The following NTF3 variants were observed in gnomAD, a reference collection of about 807,000 sequenced individuals.
NTF3 encodes the protein neurotrophin 3.
NTF3 carries 8 observed loss-of-function variants against 26.3 expected under a neutral mutation model. That is an observed-to-expected ratio of 0.30 (90% CI 0.18 to 0.55). The LOEUF is 0.55. Among genes scored for constraint, NTF3 ranks in the 20% least tolerant of loss-of-function variants. The pLI is 0.93. For missense variants in NTF3, 276 were observed against 352.9 expected (o/e 0.78, Z 1.75); for synonymous variants, 154 against 145.5 (o/e 1.06, Z -0.42).
chr12:5,457,378 C>T (rs1218165741), intron 1 of NTF3, among the ~76,000 whole-genome samples: 13 of 152,168 alleles, frequency 8.5e-5, no homozygotes, highest in Admixed American at 8.5e-4. Flanking sequence ...CTTCTACCAT[C>T]GCCTTATCAC....
At position 5,464,008 on chromosome 12, in the gene NTF3, G is replaced by A. The variant is rs939754387; in HGVS notation, c.19-30186G>A. ...GTTTCCACATGAAAATTAAAGCCAG[G>A]GGGCCAATTCTGGACTTGGCTTGAG... On this transcript the variant is annotated intron_variant, in intron 1 of 1. Coordinates refer to ENST00000423158, the MANE Select transcript of NTF3 (RefSeq NM_001102654.2). Among the ~76,000 whole-genome samples, 4 of 152,178 alleles carry A rather than the reference G, an allele frequency of 2.6e-5. No individual in the cohort carries two copies. The East Asian group carries it at 7.7e-4, about 29-fold the overall frequency.
At chr12:5,457,458 G>T (rs1426375012) in intron 1 of NTF3, among the ~76,000 whole-genome samples, 1 of 152,034 alleles carries the variant, frequency 6.6e-6, no homozygotes. Context: ...CTCTTTCCTT[G>T]GTAGGATACC....
chr12:5,489,629 A>C (rs78095042), intron 1 of NTF3, among the ~76,000 whole-genome samples: 4,375 of 152,304 alleles, frequency 0.029, 77 homozygotes, highest in South Asian at 0.062. Context: ...AGCAGTCTAA[A>C]AATTTACTTC....
chr12:5,432,452 C>T, intron 1 of NTF3, 110 bp downstream of exon 1: 2 of 1,206,128 alleles, frequency 1.7e-6, no homozygotes, highest in Non-Finnish European at 2.4e-6. Context: ...CGCATCCCGC[C>T]CCACCCCCAT....
chr12:5,467,579 G>A (rs1201918257), intron 1 of NTF3, among the ~76,000 whole-genome samples: 2 of 152,154 alleles, frequency 1.3e-5, no homozygotes, highest in Non-Finnish European at 2.9e-5. Context: ...CAGAAATTTT[G>A]AAAGATAAAA....
chr12:5,480,308 A>C (rs1940773486), intron 1 of NTF3, among the ~76,000 whole-genome samples: 1 of 152,170 alleles, frequency 6.6e-6, no homozygotes, highest in Admixed American at 6.5e-5. Flanking sequence ...GTGGAAAAAC[A>C]ATCCCACCGG....
At chr12:5,470,665 G>T (rs1447754175) in intron 1 of NTF3, among the ~76,000 whole-genome samples, 5 of 152,164 alleles carry the variant, frequency 3.3e-5, no homozygotes, top group African/African-American at 1.2e-4. Context: ...CCTTCTCCCA[G>T]ATCTCTGCTG....
intron 1 of NTF3, among the ~76,000 whole-genome samples, chr12:5,432,546 G>A (rs1940106280): frequency 7.6e-6 from 1 of 131,772 alleles, no homozygotes; most frequent in African/African-American, 3.0e-5. Flanking sequence ...CGCAACCGCA[G>A]CCACCCCGCT....
At chr12:5,453,962 C>T (rs1940405801) in intron 1 of NTF3, among the ~76,000 whole-genome samples, 2 of 152,236 alleles carry the variant, frequency 1.3e-5, no homozygotes, top group Non-Finnish European at 2.9e-5. Flanking sequence ...CCATTGTCTC[C>T]TGTAGACAAC....
chr12:5,440,759 G>A (rs953070626), intron 1 of NTF3, among the ~76,000 whole-genome samples: 2 of 152,222 alleles, frequency 1.3e-5, no homozygotes, highest in African/African-American at 4.8e-5. Flanking sequence ...GGACTCACTA[G>A]AGGGTCACAA....
At chr12:5,441,680 A>G (rs188440531) in intron 1 of NTF3, among the ~76,000 whole-genome samples, 1 of 152,196 alleles carries the variant, frequency 6.6e-6, no homozygotes, top group Non-Finnish European at 1.5e-5. Flanking sequence ...TGTTGAGTGA[A>G]TGAATGCGTG....
intron 1 of NTF3, among the ~76,000 whole-genome samples, chr12:5,484,951 G>A (rs1940850529): frequency 2.0e-5 from 3 of 152,152 alleles, no homozygotes. Flanking sequence ...ACATTATTTT[G>A]TTTCTCATCA....
chr12:5,470,115 G>A (rs1330440870), intron 1 of NTF3, among the ~76,000 whole-genome samples: 2 of 152,110 alleles, frequency 1.3e-5, no homozygotes, highest in Non-Finnish European at 2.9e-5. Flanking sequence ...TAGTAGAGAT[G>A]GGGATTCACG....
At chr12:5,437,193 A>C (rs1940177508) in intron 1 of NTF3, among the ~76,000 whole-genome samples, 2 of 151,970 alleles carry the variant, frequency 1.3e-5, no homozygotes, top group Non-Finnish European at 2.9e-5. Context: ...CATGCTGTCA[A>C]CTCCTGGCTC....
In NTF3 at chr12:5,455,169, C is replaced by T. The variant is rs757038740; in HGVS notation, c.18+22827C>T. Reference sequence around the variant, plus strand: ...GGGCTGCCCTGCCTACAGGGTCATGCGGCATGCATCTGCTGCCTGCCTGCG... The same window carrying T: ...GGGCTGCCCTGCCTACAGGGTCATGTGGCATGCATCTGCTGCCTGCCTGCG... On this transcript the variant is annotated intron_variant, in intron 1 of 1. Coordinates refer to ENST00000423158, the MANE Select transcript of NTF3 (RefSeq NM_001102654.2). 2.1e-4 allele frequency among the ~76,000 whole-genome samples: 32 copies of T among 152,286 alleles called. 1 individual carries two copies. The highest frequency in any genetic ancestry group is 1.0e-3 in the South Asian group (5 of 4,824).
intron 1 of NTF3, among the ~76,000 whole-genome samples, chr12:5,442,452 C>G (rs1940250863): frequency 6.6e-6 from 1 of 152,054 alleles, no homozygotes. Flanking sequence ...GCATGCTCAC[C>G]AGGGTACTTC....
chr12:5,458,311 G>A (rs1483195502), intron 1 of NTF3, among the ~76,000 whole-genome samples: 1 of 152,168 alleles, frequency 6.6e-6, no homozygotes, highest in East Asian at 1.9e-4. Flanking sequence ...CCTCTGGGAG[G>A]CTGTCCCTAG....
At chr12:5,452,157 G>T (rs560348938) in intron 1 of NTF3, among the ~76,000 whole-genome samples, 1 of 147,208 alleles carries the variant, frequency 6.8e-6, no homozygotes, top group East Asian at 2.0e-4. Flanking sequence ...AGGCAGTGGC[G>T]CAATCTCAGC....
At chr12:5,464,585 A>G (rs1940565547) in intron 1 of NTF3, among the ~76,000 whole-genome samples, 1 of 152,140 alleles carries the variant, frequency 6.6e-6, no homozygotes, top group African/African-American at 2.4e-5. Flanking sequence ...CCATCCCTTG[A>G]TGATGATGAT....
Sources: allele counts gnomAD v4.1 joint callset (sites outside exome capture counted in the v4.1 genomes callset), GRCh38; gene constraint gnomAD v4.1.1; transcripts MANE v1.5; gene names NCBI Gene and HGNC (gene_info 2026-07-23, HGNC 2026-07-21).